DENND4C: variants seen among roughly 807,000 people sequenced by gnomAD.
DENND4C encodes the protein DENN domain containing 4C.
DENND4C carries 108 observed loss-of-function variants against 203.0 expected under a neutral mutation model. The ratio of observed to expected loss-of-function variants is 0.53; its 90% confidence interval spans 0.46 to 0.62. DENND4C has a LOEUF of 0.62. DENND4C is among the 20% of genes least tolerant of loss of function. The probability of loss-of-function intolerance (pLI) is 0.00; values close to 1 mark genes in which losing one functional copy is unlikely to be tolerated. For missense variants in DENND4C, 2,481 were observed against 2,301.2 expected (o/e 1.08, Z -1.60); for synonymous variants, 871 against 792.4 (o/e 1.10, Z -1.67).
intron 9 of DENND4C, among the ~76,000 whole-genome samples, chr9:19,301,248 T>C (rs950717686): frequency 6.6e-6 from 1 of 152,154 alleles, no homozygotes; most frequent in African/African-American, 2.4e-5. Context: ...TATAGAACTT[T>C]AGATGGTCCA....
chr9:19,344,659 A>C (rs1023098659), intron 22 of DENND4C, among the ~76,000 whole-genome samples: 1 of 152,036 alleles, frequency 6.6e-6, no homozygotes, highest in Non-Finnish European at 1.5e-5. Context: ...ATGCCACCAC[A>C]TCTGGCTAAT....
intron 13 of DENND4C, among the ~76,000 whole-genome samples, chr9:19,325,256 A>T (rs1196620919): frequency 6.6e-6 from 1 of 152,058 alleles, no homozygotes; most frequent in Non-Finnish European, 1.5e-5. Flanking sequence ...GTTCTAATGG[A>T]GGGTGGAAAT....
intron 1 of DENND4C, among the ~76,000 whole-genome samples, chr9:19,268,663 T>C (rs182393071): frequency 2.0e-4 from 31 of 152,272 alleles, no homozygotes; most frequent in Admixed American, 1.4e-3. Context: ...GGAAAGTCTT[T>C]ATTTCTCCTT....
chr9:19,305,954 GGGATTTT>G (rs1839567163), intron 10 of DENND4C, among the ~76,000 whole-genome samples: 1 of 152,138 alleles, frequency 6.6e-6, no homozygotes, highest in South Asian at 2.1e-4. Context: ...CTTAGTTGTC[GGGATTTT>G]AATTTTATAA....
rs1478425815 is a variant in DENND4C at position 19,324,376 on chromosome 9, C to T, written c.1822C>T (p.Arg608Ter). The stretch of plus-strand genomic sequence containing the variant: ...GTTTTCCTCAGGATTTTTAAAAAGT[C>T]GAGATCGTGCCTATGCAAAATTCTA... ...LFDRQGFLKS[R>*]DRAYAKFYTL... Residue 608 changes from arginine (R) to a stop codon, truncating the protein, a stop_gained, in exon 13 of 33, where the codon CGA (arginine) becomes TGA (stop). Transcript: ENST00000434457. LOFTEE classifies it high-confidence loss of function. 1.9e-6 allele frequency: 3 copies of T among 1,590,238 alleles called. No individual in the cohort carries two copies. Among genetic ancestry groups the T allele is most frequent in the Non-Finnish European group, 2.6e-6 (3 of 1,173,592 alleles).
intron 10 of DENND4C, among the ~76,000 whole-genome samples, chr9:19,307,283 T>C (rs1839872516): frequency 6.7e-6 from 1 of 148,432 alleles, no homozygotes; most frequent in Non-Finnish European, 1.5e-5. Context: ...TAGTCCCAGC[T>C]ACACAGGCAG....
chr9:19,309,315 G>A (rs1381777549), intron 10 of DENND4C, among the ~76,000 whole-genome samples: 1 of 151,834 alleles, frequency 6.6e-6, no homozygotes, highest in Non-Finnish European at 1.5e-5. Flanking sequence ...CCAGCTATCC[G>A]GGAGGCTGAG....
Position 19,306,948 on chromosome 9 carries a change from A to AT in DENND4C, c.1487+1428dup, listed in dbSNP as rs111899918. ...AGGCGTGTGCCACCACACCTGGCTA[A>AT]TTTTTTTGTATTTTTAGTAGAGATG... On this transcript the variant is annotated intron_variant, in intron 10 of 32. Transcript: ENST00000434457. 4.9e-3 allele frequency among the ~76,000 whole-genome samples: 748 copies of AT among 151,680 alleles called. 5 individuals carry two copies. The highest frequency in any genetic ancestry group is 0.017 in the African/African-American group (715 of 41,382).
chr9:19,331,771 G>T (rs1429353507), intron 16 of DENND4C, among the ~76,000 whole-genome samples: 1 of 152,036 alleles, frequency 6.6e-6, no homozygotes, highest in Non-Finnish European at 1.5e-5. Context: ...AAATAGATTT[G>T]GTATAGTATG....
chr9:19,340,828 G>A (rs987923021), intron 20 of DENND4C, among the ~76,000 whole-genome samples, 164 bp from the exon 21 acceptor site: 5 of 151,948 alleles, frequency 3.3e-5, no homozygotes, highest in Non-Finnish European at 5.9e-5. Flanking sequence ...TGTTCTTTGC[G>A]GCTTATCATT....
At chr9:19,261,646 A>G (rs917654134) in intron 1 of DENND4C, among the ~76,000 whole-genome samples, 5 of 151,120 alleles carry the variant, frequency 3.3e-5, no homozygotes, top group African/African-American at 7.3e-5. Context: ...GAGGACTACA[A>G]GTGAATCCCA....
intron 23 of DENND4C, among the ~76,000 whole-genome samples, chr9:19,350,078 T>G (rs1346083411): frequency 6.6e-6 from 1 of 152,230 alleles, no homozygotes; most frequent in Non-Finnish European, 1.5e-5. Context: ...AAAACCTGAT[T>G]GTTGAAATGT....
At chr9:19,269,188 GT>G (rs568406724) in intron 1 of DENND4C, among the ~76,000 whole-genome samples, 17 of 152,044 alleles carry the variant, frequency 1.1e-4, no homozygotes, top group Middle Eastern at 3.4e-3. Flanking sequence ...TTGAGATGGA[GT>G]TTCGCTTTTG....
At chr9:19,327,056 G>A (rs1191020896) in intron 15 of DENND4C, among the ~76,000 whole-genome samples, 1 of 152,058 alleles carries the variant, frequency 6.6e-6, no homozygotes, top group Non-Finnish European at 1.5e-5. Flanking sequence ...ATAATATCAA[G>A]AGGACTGGAT....
Position 19,372,392 on chromosome 9 carries a change from C to A in DENND4C, c.*219C>A. ...CTTATTAATATTGAAGATTTTCAAC[C>A]CCTGAACTGCTTTTCTGCCTCTGTG... On this transcript the variant is annotated 3_prime_UTR_variant, in exon 33 of 33. Coordinates refer to ENST00000434457, the MANE Select transcript of DENND4C (RefSeq NM_001330640.2). 1 of 449,984 alleles carries A rather than the reference C, an allele frequency of 2.2e-6. No homozygotes were observed. The highest frequency in any genetic ancestry group is 3.7e-6 in the Non-Finnish European group (1 of 271,374). The allele number at this position is 449,984 out of a possible 1,614,324, so 27.9% of individuals were successfully genotyped here. A position where few individuals can be genotyped will look rare whatever the true frequency, so the allele number is the denominator to read the frequency against.
At position 19,345,950 on chromosome 9, in the gene DENND4C, C is replaced by A. The variant is rs770423612; in HGVS notation, c.3181C>A (p.Gln1061Lys). 1.9e-6 allele frequency: 3 copies of A among 1,613,420 alleles called. No individual in the cohort carries two copies. The South Asian group carries it at 3.3e-5, about 18-fold the overall frequency. ...TATATCAAATGTGCTGTTTTCTACT[C>A]AAGATCCAGTTGAAGATGCAGTCTT... is the stretch of plus-strand genomic sequence containing the variant. ...GSISNVLFSTQDPVEDAVFGE... is the reference protein window; with the variant it reads ...GSISNVLFSTKDPVEDAVFGE... Residue 1061 changes from glutamine to lysine, a missense_variant, in exon 23 of 33, where the codon CAA (glutamine) becomes AAA (lysine). This residue lies in a region of DENND4C where 2,289 missense variants were observed against 2,113.3 expected (regional missense o/e 1.08). Transcript: ENST00000434457.
chr9:19,339,498 A>G (rs374781017), intron 20 of DENND4C, among the ~76,000 whole-genome samples: 1 of 152,288 alleles, frequency 6.6e-6, no homozygotes, highest in East Asian at 1.9e-4. Context: ...TGGGTGTGCT[A>G]CGTAAATGAT....
intron 17 of DENND4C, among the ~76,000 whole-genome samples, chr9:19,332,702 C>T (rs977447069): frequency 1.3e-5 from 2 of 148,442 alleles, no homozygotes; most frequent in Admixed American, 6.7e-5. Flanking sequence ...TCACTCCTCT[C>T]TCGCCCAGGC....
At chr9:19,319,433 C>CACACATATATAT (rs1842504502) in intron 12 of DENND4C, among the ~76,000 whole-genome samples, 8 of 141,790 alleles carry the variant, frequency 5.6e-5, no homozygotes, top group African/African-American at 1.8e-4. Flanking sequence ...TATATATATA[C>CACACATATATAT]ACACATATAT....
Sources: gnomAD v4.1 joint callset for allele counts (sites outside exome capture counted in the v4.1 genomes callset) on GRCh38, gnomAD v4.1.1 for gene constraint, gnomAD v4.1.1 regional missense constraint, MANE v1.5 for transcripts, NCBI Gene and HGNC (gene_info 2026-07-23, HGNC 2026-07-21) for gene names.